Variants in PTPRT observed in about 807,000 individuals in gnomAD.
PTPRT encodes the protein protein tyrosine phosphatase receptor type T.
PTPRT carries 56 observed loss-of-function variants against 176.8 expected under a neutral mutation model. The ratio of observed to expected loss-of-function variants is 0.32; its 90% CI spans 0.26 to 0.40. The LOEUF (loss-of-function observed/expected upper bound fraction) is 0.40. PTPRT is among the 10% of genes least tolerant of loss of function. The pLI is 1.00. For synonymous variants in PTPRT, 783 were observed against 739.0 expected (o/e 1.06, Z -0.96); for missense variants, 1,540 against 1,908.2 (o/e 0.81, Z 3.60).
chr20:42,661,900 G>A (rs1198210824), intron 7 of PTPRT, among the ~76,000 whole-genome samples: 3 of 152,198 alleles, frequency 2.0e-5, no homozygotes, highest in Non-Finnish European at 2.9e-5. Flanking sequence ...TCTCACTGCA[G>A]GGAGACCTCT....
At chr20:43,060,121 T>C (rs191575408) in intron 1 of PTPRT, among the ~76,000 whole-genome samples, 3 of 152,278 alleles carry the variant, frequency 2.0e-5, no homozygotes, top group African/African-American at 7.2e-5. Flanking sequence ...CTGTTCCACA[T>C]TTTCAGGTGT....
chr20:42,561,541 T>C (rs1332839408), intron 7 of PTPRT, among the ~76,000 whole-genome samples: 2 of 152,230 alleles, frequency 1.3e-5, no homozygotes, highest in Non-Finnish European at 2.9e-5. Context: ...AAAGTTCTCC[T>C]AGATTATATT....
rs6016859 is a variant in PTPRT, at chr20:42,648,624, C to T, written c.1153+29242G>A. Among the ~76,000 whole-genome samples, 159 of 152,114 alleles carry T rather than the reference C, an allele frequency of 1.0e-3. 1 individual carries two copies. In the East Asian group the frequency reaches 0.015, roughly 14 times the overall value. On this transcript the variant is annotated intron_variant, in intron 7 of 30. Transcript: ENST00000373187. ...TGTGCTGAGGCCCCTGCGTGTCTAG[C>T]GCCACTGTACTCTTCGACTCCAAGG...
At chr20:42,542,128 T>C (rs2072594384) in intron 7 of PTPRT, among the ~76,000 whole-genome samples, 1 of 152,162 alleles carries the variant, frequency 6.6e-6, no homozygotes, top group Non-Finnish European at 1.5e-5. Context: ...GCTCTTCCTC[T>C]GCCATGATTG....
At chr20:42,931,857 C>G (rs1050564505) in intron 1 of PTPRT, among the ~76,000 whole-genome samples, 6 of 152,154 alleles carry the variant, frequency 3.9e-5, no homozygotes, top group African/African-American at 1.4e-4. Flanking sequence ...ATGGCTGATA[C>G]CAGTAAACCC....
At chr20:42,918,947 A>T (rs1410269108) in intron 1 of PTPRT, among the ~76,000 whole-genome samples, 1 of 152,170 alleles carries the variant, frequency 6.6e-6, no homozygotes, top group Non-Finnish European at 1.5e-5. Flanking sequence ...CTCTCAGCTC[A>T]TGCCGCACCA....
At chr20:42,103,680 G>T (rs1025347251) in intron 25 of PTPRT, among the ~76,000 whole-genome samples, 46 of 152,176 alleles carry the variant, frequency 3.0e-4, no homozygotes, top group African/African-American at 1.1e-3. Flanking sequence ...TGTTGGTCAG[G>T]CTGCAGACCA....
chr20:42,141,515 G>C (rs1279418711), intron 18 of PTPRT, among the ~76,000 whole-genome samples: 1 of 152,204 alleles, frequency 6.6e-6, no homozygotes, highest in African/African-American at 2.4e-5. Context: ...CTTTGAATTA[G>C]AGGAGCTTCT....
the PTPRT span, among the ~76,000 whole-genome samples, chr20:42,052,821 G>A: frequency 6.6e-4 from 100 of 152,228 alleles, no homozygotes; most frequent in Non-Finnish European, 1.1e-3. Flanking sequence ...TTACACAGTG[G>A]TCAGGAATAA....
the PTPRT span, among the ~76,000 whole-genome samples, chr20:42,036,695 G>A: frequency 2.1e-3 from 322 of 152,336 alleles, 2 homozygotes; most frequent in Middle Eastern, 6.8e-3. Flanking sequence ...AGGGAAGAAA[G>A]TGAGAGAGTA....
chr20:42,303,599 C>A (rs1390328274), intron 12 of PTPRT, among the ~76,000 whole-genome samples: 1 of 152,198 alleles, frequency 6.6e-6, no homozygotes, highest in Non-Finnish European at 1.5e-5. Flanking sequence ...CATAGCCTCT[C>A]ACAGCCTTGG....
At chr20:42,195,537 C>T (rs1991180404) in intron 16 of PTPRT, among the ~76,000 whole-genome samples, 1 of 152,096 alleles carries the variant, frequency 6.6e-6, no homozygotes, top group Admixed American at 6.6e-5. Flanking sequence ...GTACCTGATG[C>T]ATTCTAGGGC....
At chr20:42,926,435 C>A (rs1979489559) in intron 1 of PTPRT, among the ~76,000 whole-genome samples, 1 of 152,168 alleles carries the variant, frequency 6.6e-6, no homozygotes, top group African/African-American at 2.4e-5. Flanking sequence ...CAATTCACCC[C>A]ACTGTGCCTT....
intron 7 of PTPRT, among the ~76,000 whole-genome samples, chr20:42,551,990 A>T (rs1343521376): frequency 6.6e-6 from 1 of 152,092 alleles, no homozygotes; most frequent in Admixed American, 6.6e-5. Flanking sequence ...TTATGTTACC[A>T]TCAGTCTATA....
intron 7 of PTPRT, among the ~76,000 whole-genome samples, chr20:42,567,310 A>G (rs761089995): frequency 6.9e-6 from 1 of 145,640 alleles, no homozygotes; most frequent in Non-Finnish European, 1.5e-5. Flanking sequence ...AGAGAGAGAG[A>G]AAAAAAACGA....
intron 7 of PTPRT, among the ~76,000 whole-genome samples, chr20:42,641,232 C>T (rs139644353): frequency 2.0e-5 from 3 of 152,296 alleles, no homozygotes; most frequent in African/African-American, 7.2e-5. Context: ...ACCTTTCATA[C>T]ACATTTCCTA....
At chr20:42,497,253 A>G (rs1601132118) in intron 7 of PTPRT, among the ~76,000 whole-genome samples, 1 of 152,132 alleles carries the variant, frequency 6.6e-6, no homozygotes, top group Admixed American at 6.6e-5. Context: ...CCTGTCTTAA[A>G]TCCTGGTGCT....
intron 7 of PTPRT, among the ~76,000 whole-genome samples, chr20:42,511,320 G>A (rs1329562431): frequency 1.3e-5 from 2 of 152,066 alleles, no homozygotes; most frequent in African/African-American, 4.8e-5. Flanking sequence ...ATAAACTCTT[G>A]ATACAACAGA....
At chr20:42,902,986 T>C (rs1314651973) in intron 1 of PTPRT, among the ~76,000 whole-genome samples, 2 of 152,214 alleles carry the variant, frequency 1.3e-5, no homozygotes, top group African/African-American at 4.8e-5. Context: ...TCTTTCTCCA[T>C]GGAGCTCACA....
Sources: allele counts gnomAD v4.1 joint callset (sites outside exome capture counted in the v4.1 genomes callset), GRCh38; gene constraint gnomAD v4.1.1; transcripts MANE v1.5; gene names NCBI Gene and HGNC (gene_info 2026-07-23, HGNC 2026-07-21).